TUT7: variants seen among roughly 807,000 people sequenced by gnomAD.
The protein encoded by TUT7 is terminal uridylyltransferase 7.
A neutral mutation model predicts 165.9 loss-of-function variants in TUT7; 33 were observed. The observed-to-expected ratio is 0.20, with a 90% CI of 0.15 to 0.27. The LOEUF (loss-of-function observed/expected upper bound fraction) is 0.27, where lower values mean the gene tolerates loss of function less well. TUT7 is among the 10% of genes least tolerant of loss of function. The probability of loss-of-function intolerance (pLI) is 1.00; values close to 1 mark genes in which losing one functional copy is unlikely to be tolerated. For synonymous variants in TUT7, 552 were observed against 608.1 expected (o/e 0.91, Z 1.36); for missense variants, 1,338 against 1,762.3 (o/e 0.76, Z 4.31).
intron 16 of TUT7, among the ~76,000 whole-genome samples, chr9:86,318,589 A>G (rs1441704664): frequency 9.2e-5 from 14 of 152,076 alleles, no homozygotes; most frequent in Non-Finnish European, 4.4e-5. Flanking sequence ...TAAGGTTAGT[A>G]CTCTTATGAT....
At chr9:86,313,126 T>TAATAAATAAATAAATA (rs111966143) in intron 17 of TUT7, among the ~76,000 whole-genome samples, 8 of 142,606 alleles carry the variant, frequency 5.6e-5, no homozygotes, top group East Asian at 2.1e-4. Flanking sequence ...GAATGATCAA[T>TAATAAATAAATAAATA]AATAAATAAA....
At chr9:86,342,577 CCA>C (rs1831413674) in intron 6 of TUT7, among the ~76,000 whole-genome samples, 1 of 152,086 alleles carries the variant, frequency 6.6e-6, no homozygotes, top group Non-Finnish European at 1.5e-5. Context: ...CAGCTACACT[CCA>C]GTTTTAAAAT....
chr9:86,292,425 C>T lies in TUT7; in HGVS notation c.4421-3681G>A, dbSNP rs138653026. ...TGAAGGCTGCAGTGAGCAGAGATCACACCACTACACTCCAGCCTGGGTGAC... is the reference window on the plus strand; with the variant it reads ...TGAAGGCTGCAGTGAGCAGAGATCATACCACTACACTCCAGCCTGGGTGAC... On this transcript the variant is annotated intron_variant, in intron 26 of 26. Transcript: ENST00000375963. Among the ~76,000 whole-genome samples, 707 of 149,666 alleles carry T rather than the reference C, an allele frequency of 4.7e-3. 1 individual carries two copies. Among genetic ancestry groups the T allele is most frequent in the Admixed American group, 7.7e-3 (115 of 15,026 alleles).
At chr9:86,335,319 A>G (rs978759464) in intron 10 of TUT7, among the ~76,000 whole-genome samples, 1 of 152,178 alleles carries the variant, frequency 6.6e-6, no homozygotes, top group Non-Finnish European at 1.5e-5. Flanking sequence ...ATATCTGCTA[A>G]GGACTAGGTT....
At chr9:86,339,055 T>C (rs2131553588) in intron 8 of TUT7, 106 bp from the exon 9 acceptor site, 1 of 1,027,128 alleles carries the variant, frequency 9.7e-7, no homozygotes, top group Non-Finnish European at 1.3e-6. Context: ...GCATAATAAA[T>C]ACTTCAAAAA....
At chr9:86,307,884 C>T (rs12684030) in intron 22 of TUT7, among the ~76,000 whole-genome samples, 3,269 of 152,206 alleles carry the variant, frequency 0.021, 100 homozygotes, top group African/African-American at 0.069. Flanking sequence ...ATCCCAGCTA[C>T]TCAGGTGGCT....
intron 10 of TUT7, 195 bp downstream of exon 10, chr9:86,337,224 C>T (rs1830868751): frequency 1.7e-6 from 1 of 584,602 alleles, no homozygotes; most frequent in Non-Finnish European, 2.9e-6. Context: ...TATCCCTAAG[C>T]AGGTTATAGG....
At chr9:86,319,855 T>C (rs1035420891) in intron 14 of TUT7, among the ~76,000 whole-genome samples, 185 bp from the exon 15 acceptor site, 10 of 152,162 alleles carry the variant, frequency 6.6e-5, no homozygotes, top group African/African-American at 2.4e-4. Context: ...ATTTTTGAGA[T>C]AAGGTCTGGT....
intron 10 of TUT7, among the ~76,000 whole-genome samples, chr9:86,329,391 C>G (rs191997269): frequency 6.6e-6 from 1 of 151,846 alleles, no homozygotes; most frequent in African/African-American, 2.4e-5. Context: ...GGCATGGTGG[C>G]GCATGCCTGT....
chr9:86,304,266 T>G (rs1255667070), intron 24 of TUT7, among the ~76,000 whole-genome samples: 1 of 152,200 alleles, frequency 6.6e-6, no homozygotes, highest in Admixed American at 6.5e-5. Flanking sequence ...AGGAAATTAA[T>G]GCAGAAGAAC....
chr9:86,315,066 ATTACC>A (rs1161924450), intron 17 of TUT7, among the ~76,000 whole-genome samples: 1 of 152,224 alleles, frequency 6.6e-6, no homozygotes, highest in African/African-American at 2.4e-5. Flanking sequence ...AGTTTGGAAG[ATTACC>A]TTACCTCTTA....
At chr9:86,334,452 T>A (rs1830589512) in intron 10 of TUT7, among the ~76,000 whole-genome samples, 1 of 152,120 alleles carries the variant, frequency 6.6e-6, no homozygotes, top group Non-Finnish European at 1.5e-5. Context: ...ACACTTTAAA[T>A]TTTTCTACCC....
At chr9:86,304,354 G>A (rs1345009253) in intron 24 of TUT7, among the ~76,000 whole-genome samples, 4 of 152,066 alleles carry the variant, frequency 2.6e-5, no homozygotes, top group Non-Finnish European at 5.9e-5. Flanking sequence ...ACATAATTTT[G>A]CTTTGTTTTC....
chr9:86,349,065 G>A (rs183842554), intron 2 of TUT7, among the ~76,000 whole-genome samples: 1 of 152,202 alleles, frequency 6.6e-6, no homozygotes, highest in East Asian at 1.9e-4. Flanking sequence ...GATCACCTGA[G>A]GTCGGGAGTT....
intron 2 of TUT7, among the ~76,000 whole-genome samples, chr9:86,349,279 CAA>C (rs879302155): frequency 7.6e-6 from 1 of 132,036 alleles, no homozygotes. Context: ...AACTCCATCT[CAA>C]AAAAAAAAAA....
chr9:86,293,453 A>G (rs1479479760), intron 26 of TUT7, among the ~76,000 whole-genome samples: 1 of 152,184 alleles, frequency 6.6e-6, no homozygotes, highest in East Asian at 1.9e-4. Flanking sequence ...AGAATACTCC[A>G]ATACAAAAGT....
At chr9:86,293,738 TTTATATAAATGGTGCTCTTCCAA>T (rs1826066747) in intron 26 of TUT7, among the ~76,000 whole-genome samples, 2 of 152,242 alleles carry the variant, frequency 1.3e-5, no homozygotes, top group Middle Eastern at 3.4e-3. Flanking sequence ...ATTAGAGTGT[TTTATATAAATGGTGCTCTTCCAA>T]CCTGGGCCCA....
intron 14 of TUT7, among the ~76,000 whole-genome samples, chr9:86,321,241 C>T (rs1225166466): frequency 6.6e-6 from 1 of 151,158 alleles, no homozygotes; most frequent in Non-Finnish European, 1.5e-5. Flanking sequence ...ACTGTAATTC[C>T]AGCTACTCAG....
At chr9:86,319,533 TG>T in intron 15 of TUT7, 50 bp downstream of exon 15, 1 of 1,299,002 alleles carries the variant, frequency 7.7e-7, no homozygotes, top group Non-Finnish European at 1.1e-6. Flanking sequence ...TGAACTGATT[TG>T]GAAAAAAGGT....
Sources: gnomAD v4.1 joint callset for allele counts (sites outside exome capture counted in the v4.1 genomes callset) on GRCh38, gnomAD v4.1.1 for gene constraint, MANE v1.5 for transcripts, NCBI Gene and HGNC (gene_info 2026-07-23, HGNC 2026-07-21) for gene names.